HNRNPD: variants seen among roughly 807,000 people sequenced by gnomAD.
HNRNPD encodes the protein heterogeneous nuclear ribonucleoprotein D0.
Under a neutral mutation model 47.9 loss-of-function variants are expected in HNRNPD, and 3 were observed. The observed-to-expected ratio is 0.06, with a 90% CI of 0.03 to 0.16. The LOEUF is 0.16. HNRNPD is among the 10% of genes least tolerant of loss of function. HNRNPD has a pLI of 1.00. For missense variants in HNRNPD, 287 were observed against 454.2 expected, an observed-to-expected ratio of 0.63 and a Z score of 3.35; for synonymous variants, 171 against 165.1, an observed-to-expected ratio of 1.04 and a Z score of -0.28.
chr4:82,363,227 C>A (rs949040039), intron 2 of HNRNPD, among the ~76,000 whole-genome samples: 18 of 151,930 alleles, frequency 1.2e-4, no homozygotes, highest in Non-Finnish European at 2.1e-4. Context: ...CAGGTGCATG[C>A]CACCATGCCA....
At chr4:82,372,098 A>G (rs1258093547) in intron 1 of HNRNPD, among the ~76,000 whole-genome samples, 3 of 152,066 alleles carry the variant, frequency 2.0e-5, no homozygotes, top group Non-Finnish European at 4.4e-5. Flanking sequence ...ACTAGATTAA[A>G]GCGACATCTT....
rs901613560 is a variant in HNRNPD, at chr4:82,373,518, C to G, written c.161G>C (p.Gly54Ala). Residue 54 changes from glycine (G) to alanine (A), a missense_variant, in exon 1 of 9, where the codon GGA (glycine) becomes GCA (alanine). Around this residue, in one of 5 missense-constraint regions of HNRNPD, gnomAD observed 161 missense variants for 137.1 expected, o/e 1.17. Coordinates refer to ENST00000313899, the MANE Select transcript of HNRNPD (RefSeq NM_031370.3). ...CTCGGCGCTGCCCCCTTCGGTGCCTCCAGACGCGGTTCCGCCCCCGGTCCC... is the reference window on the plus strand; with the variant it reads ...CTCGGCGCTGCCCCCTTCGGTGCCTGCAGACGCGGTTCCGCCCCCGGTCCC... ...GAGTGGGTAS[G>A]GTEGGSAESE... 6.5e-7 allele frequency: 1 copy of G among 1,544,606 alleles called. No individual in the cohort carries two copies. Among genetic ancestry groups the G allele is most frequent in the African/African-American group, 1.4e-5 (1 of 71,820 alleles).
At chr4:82,365,695 C>T (rs1025952148) in intron 2 of HNRNPD, among the ~76,000 whole-genome samples, 2 of 151,992 alleles carry the variant, frequency 1.3e-5, no homozygotes, top group African/African-American at 4.8e-5. Flanking sequence ...ACCTCTGCCT[C>T]CCAAGTTCAA....
chr4:82,371,038 G>A (rs1161760986), intron 2 of HNRNPD, among the ~76,000 whole-genome samples: 1 of 151,342 alleles, frequency 6.6e-6, no homozygotes, highest in South Asian at 2.1e-4. Context: ...AAATATGCTA[G>A]GTAAAAGACA....
chr4:82,366,269 A>G (rs1484027036), intron 2 of HNRNPD, among the ~76,000 whole-genome samples: 1 of 152,230 alleles, frequency 6.6e-6, no homozygotes, highest in Admixed American at 6.5e-5. Flanking sequence ...AGGGGGACAG[A>G]GTCTCGCTTT....
chr4:82,359,005 G>A (rs1723847898), intron 3 of HNRNPD, among the ~76,000 whole-genome samples, 185 bp from the exon 4 acceptor site: 1 of 152,018 alleles, frequency 6.6e-6, no homozygotes, highest in Admixed American at 6.6e-5. Flanking sequence ...AAATCTAAAG[G>A]TAAGAATGGT....
chr4:82,371,001 C>CAA (rs2110004081), intron 2 of HNRNPD, among the ~76,000 whole-genome samples: 1 of 152,018 alleles, frequency 6.6e-6, no homozygotes, highest in South Asian at 2.1e-4. Flanking sequence ...CACACACACA[C>CAA]ACACTTCTTA....
intron 2 of HNRNPD, among the ~76,000 whole-genome samples, chr4:82,371,215 TAAATC>T (rs1281910814): frequency 2.0e-5 from 2 of 101,862 alleles, no homozygotes; most frequent in South Asian, 2.8e-4. Context: ...CATCTTAAAA[TAAATC>T]AAATGTGAAG....
intron 1 of HNRNPD, among the ~76,000 whole-genome samples, chr4:82,372,902 C>G (rs1254351171): frequency 6.6e-6 from 1 of 152,200 alleles, no homozygotes; most frequent in African/African-American, 2.4e-5. Context: ...CCCAAGAAAA[C>G]AGTCGGCCTA....
chr4:82,369,616 CT>C (rs1719934359), intron 2 of HNRNPD, among the ~76,000 whole-genome samples: 1 of 151,176 alleles, frequency 6.6e-6, no homozygotes, highest in African/African-American at 2.4e-5. Context: ...GACTATAAAA[CT>C]GTTGCCCTTA....
At chr4:82,372,484 T>G (rs1007348270) in intron 1 of HNRNPD, among the ~76,000 whole-genome samples, 4 of 152,106 alleles carry the variant, frequency 2.6e-5, no homozygotes, top group African/African-American at 9.6e-5. Flanking sequence ...GGGAAACAGA[T>G]ATCAAGACAC....
chr4:82,360,102 T>A (rs763325830), intron 2 of HNRNPD, among the ~76,000 whole-genome samples: 4 of 152,148 alleles, frequency 2.6e-5, no homozygotes, highest in Non-Finnish European at 5.9e-5. Context: ...AACAAAACTC[T>A]TAGCACATAA....
chr4:82,365,445 G>A (rs887180627), intron 2 of HNRNPD, among the ~76,000 whole-genome samples: 1 of 151,824 alleles, frequency 6.6e-6, no homozygotes, highest in Non-Finnish European at 1.5e-5. Flanking sequence ...TAAGTCACTA[G>A]TTACCTAAGG....
At chr4:82,354,512 C>T (rs930609025) in intron 8 of HNRNPD, 1 of 152,604 alleles carries the variant, frequency 6.6e-6, no homozygotes, top group Non-Finnish European at 1.5e-5. Flanking sequence ...TCTTGTCCAT[C>T]ACAAGTTATA....
chr4:82,367,026 CTTTTTT>C (rs34807755), intron 2 of HNRNPD, among the ~76,000 whole-genome samples: 1 of 128,144 alleles, frequency 7.8e-6, no homozygotes, highest in Non-Finnish European at 1.6e-5. Flanking sequence ...ACACACTAGC[CTTTTTT>C]TTTTTTTTTT....
chr4:82,365,803 C>T (rs1414695344), intron 2 of HNRNPD, among the ~76,000 whole-genome samples: 1 of 115,452 alleles, frequency 8.7e-6, no homozygotes, highest in African/African-American at 3.7e-5. Flanking sequence ...TTTGTAGAGA[C>T]AGGATCTCAT....
intron 2 of HNRNPD, among the ~76,000 whole-genome samples, chr4:82,359,993 T>C (rs1388363617): frequency 1.3e-5 from 2 of 152,148 alleles, no homozygotes; most frequent in Non-Finnish European, 2.9e-5. Flanking sequence ...CAAATGTTCA[T>C]TAAACTTGTT....
chr4:82,373,250 G>C, intron 1 of HNRNPD, 196 bp downstream of exon 1: 1 of 764,104 alleles, frequency 1.3e-6, no homozygotes, highest in Non-Finnish European at 2.2e-6. Flanking sequence ...ATGGGGGAGG[G>C]GGGCGATAAG....
chr4:82,359,198 T>G (rs1401203214), intron 3 of HNRNPD, among the ~76,000 whole-genome samples: 1 of 152,186 alleles, frequency 6.6e-6, no homozygotes, highest in Admixed American at 6.5e-5. Flanking sequence ...TGGACTTCTG[T>G]GAATTGCTAA....
Sources: allele counts gnomAD v4.1 joint callset (sites outside exome capture counted in the v4.1 genomes callset), GRCh38; gene constraint gnomAD v4.1.1; regional missense constraint gnomAD v4.1.1; transcripts MANE v1.5; gene names NCBI Gene and HGNC (gene_info 2026-07-23, HGNC 2026-07-21).